The following ISYNA1 variants were observed in gnomAD, a reference collection of about 807,000 sequenced individuals.
ISYNA1 encodes MI-1-P synthase.
A neutral mutation model predicts 50.3 loss-of-function variants in ISYNA1; 34 were observed. That is an observed-to-expected ratio of 0.68 (90% CI 0.51 to 0.90). ISYNA1 has a LOEUF of 0.90. Ranked by LOEUF, ISYNA1 falls within the 40% of genes least tolerant of loss-of-function variation. The pLI, the probability that ISYNA1 is intolerant of heterozygous loss-of-function variation, is 0.00. For synonymous variants in ISYNA1, 396 were observed against 349.9 expected (o/e 1.13, Z -1.47); for missense variants, 718 against 784.8 (o/e 0.91, Z 1.02).
At chr19:18,438,033 G>T (rs1206139528) in intron 1 of ISYNA1, 45 bp from the exon 2 acceptor site, 3 of 1,510,082 alleles carry the variant, frequency 2.0e-6, no homozygotes, top group African/African-American at 1.4e-5. Flanking sequence ...ACTCTAAGCG[G>T]CCGGGGCCAA....
Position 18,436,815 on chromosome 19 carries a change from C to G in ISYNA1, c.478G>C (p.Gly160Arg). ...AMRRAKVLDW[G>R]LQEQLWPHME... is the part of the protein sequence containing the mutation. Reference sequence around the variant, plus strand: ...TGCGGCCACAGTTGCTCCTGCAGCCCCCAGTCCAGCACCTTCGCGCGCCGC... The same window carrying G: ...TGCGGCCACAGTTGCTCCTGCAGCCGCCAGTCCAGCACCTTCGCGCGCCGC... Residue 160 changes from glycine to arginine, a missense_variant, in exon 5 of 11, where the codon GGG (glycine) becomes CGG (arginine). Transcript: ENST00000338128. 1 of 1,592,136 alleles carries G rather than the reference C, an allele frequency of 6.3e-7. No individual in the cohort carries two copies. Among genetic ancestry groups the G allele is most frequent in the African/African-American group, 1.4e-5 (1 of 73,726 alleles).
At chr19:18,437,134 C>A in intron 3 of ISYNA1, 29 bp from the exon 4 acceptor site, 20 of 1,543,400 alleles carry the variant, frequency 1.3e-5, no homozygotes, top group Non-Finnish European at 1.7e-5. Flanking sequence ...GGCGAGGTGA[C>A]GGGTGGGAGT....
chr19:18,434,938 T>C lies in ISYNA1; in HGVS notation c.1652A>G (p.Glu551Gly). 1 of 1,613,210 alleles carries C rather than the reference T, an allele frequency of 6.2e-7. No individual in the cohort carries two copies. The highest frequency in any genetic ancestry group is 8.5e-7 in the Non-Finnish European group (1 of 1,179,978). The part of the protein sequence containing the change: ...CTGDANGHLQ[E>G]EPPMPTT ...TCAGGTGGTGGGCATTGGGGGCTCCTCTTGCAGATGCCCATTGGCATCACC... is the reference window on the plus strand; with the variant it reads ...TCAGGTGGTGGGCATTGGGGGCTCCCCTTGCAGATGCCCATTGGCATCACC... The change falls in exon 11 of 11, where the codon GAG becomes GGG. Residue 551 changes from glutamate (E) to glycine (G), a missense_variant. By Grantham distance (98) the Glu-to-Gly change is moderately conservative. Transcript: ENST00000338128.
At position 18,436,975 on chromosome 19, in the gene ISYNA1, T is replaced by C; in HGVS notation, c.413A>G (p.Asp138Gly). 3 of 949,618 alleles carry C rather than the reference T, an allele frequency of 3.2e-6. No individual in the cohort carries two copies. Among genetic ancestry groups the C allele is most frequent in the Non-Finnish European group, 4.6e-6 (3 of 648,038 alleles). 58.8% of individuals were successfully genotyped at this position (949,618 alleles called of 1,614,324 possible). A position where few individuals can be genotyped will look rare whatever the true frequency, so the allele number is the denominator to read the frequency against. The stretch of plus-strand genomic sequence containing the variant: ...CCCCGGCCCAGGGCTCCGCCCACCA[T>C]CGAACACGAGGTCGTTGGGCGCCAC... Reference protein sequence around the residue: ...PMVAPNDLVFDGWDISSLNLA... With the variant: ...PMVAPNDLVFGGWDISSLNLA... Residue 138 changes from aspartate to glycine, a missense_variant and splice_region_variant, in exon 4 of 11, where the codon GAT becomes GGT. Around this residue, in one of 3 missense-constraint regions of ISYNA1, gnomAD observed 403 missense variants for 466.6 expected, o/e 0.86. Transcript: ENST00000338128.
chr19:18,437,193 C>G lies in ISYNA1; in HGVS notation c.283-88G>C, dbSNP rs929050874. 9 of 1,470,458 alleles carry G rather than the reference C, an allele frequency of 6.1e-6. No homozygotes were observed. The Admixed American group carries it at 1.2e-4, about 19-fold the overall frequency. 91.1% of individuals were successfully genotyped at this position (1,470,458 alleles called of 1,614,324 possible). A position where few individuals can be genotyped will look rare whatever the true frequency, so the allele number is the denominator to read the frequency against. ...TGGGCCCCACCTAGACTCTCAAGCC[C>G]CGCCCCACTTTCGGGCATTTTTCAG... On this transcript the variant is annotated intron_variant, in intron 3 of 10. Transcript: ENST00000338128.
Position 18,436,432 on chromosome 19 carries a change from C to T in ISYNA1, c.657G>A (p.Gly219=), listed in dbSNP as rs1457518859. The T allele has an allele frequency of 6.2e-7, 1 of 1,610,026 alleles. No individual in the cohort carries two copies. Among genetic ancestry groups the T allele is most frequent in the Non-Finnish European group, 8.5e-7 (1 of 1,179,886 alleles). ...TCCACAGCACTATGACTTTGTCCAGCCCCGCGCTAGACCGGAAGTCTCGGA... is the reference window on the plus strand; with the variant it reads ...TCCACAGCACTATGACTTTGTCCAGTCCCGCGCTAGACCGGAAGTCTCGGA... ...RDIRDFRSSA[G]LDKVIVLWTA... is the part of the protein sequence containing the mutation. Residue 219 remains glycine, a synonymous_variant, in exon 6 of 11, where the codon GGG becomes GGA. Coordinates refer to ENST00000338128, the MANE Select transcript of ISYNA1 (RefSeq NM_016368.5).
Position 18,435,022 on chromosome 19 carries a change from G to A in ISYNA1, c.1568C>T (p.Ala523Val). ...TTTCTTGTTCAACATAGGGTAGGTG[G>A]CAGCCACGGGTCCAACTCGCTTGAG... ...PSLKRVGPVA[A>V]TYPMLNKKGP... is the part of the protein sequence containing the mutation. Residue 523 changes from alanine (A) to valine (V), a missense_variant, in exon 11 of 11, where the codon GCC becomes GTC. Transcript: ENST00000338128. 2.5e-6 allele frequency: 4 copies of A among 1,613,584 alleles called. No homozygotes were observed. Among genetic ancestry groups the A allele is most frequent in the Non-Finnish European group, 3.4e-6 (4 of 1,180,006 alleles).
In ISYNA1 at chr19:18,436,120, C is replaced by G; in HGVS notation, c.887G>C (p.Arg296Pro). The change falls in exon 7 of 11, where the codon CGG becomes CCG. Residue 296 changes from arginine to proline, a missense_variant. By Grantham distance (103) the Arg-to-Pro change is moderately radical. Transcript: ENST00000338128. ...GAAGTCATCTCCGCCCACAAAAACCCGGTGCTGCCACGCGAGCTCAAGAGC... is the reference window on the plus strand; with the variant it reads ...GAAGTCATCTCCGCCCACAAAAACCGGGTGCTGCCACGCGAGCTCAAGAGC... ...PGALELAWQH[R>P]VFVGGDDFKS... is the part of the protein sequence containing the mutation. 6.2e-7 allele frequency: 1 copy of G among 1,612,904 alleles called. No homozygotes were observed. The highest frequency in any genetic ancestry group is 8.5e-7 in the Non-Finnish European group (1 of 1,179,924).
At position 18,434,992 on chromosome 19, in the gene ISYNA1, G is replaced by A. The variant is rs751189492; in HGVS notation, c.1598C>T (p.Pro533Leu). Residue 533 changes from proline to leucine, a missense_variant, in exon 11 of 11, where the codon CCG becomes CTG. By Grantham distance (98) the Pro-to-Leu change is moderately conservative. Coordinates refer to ENST00000338128, the MANE Select transcript of ISYNA1 (RefSeq NM_016368.5). ...ATYPMLNKKG[P>L]VPAATNGCTG... is the part of the protein sequence containing the mutation. ...GCAGCCATTGGTGGCAGCGGGTACCGGTCCTTTCTTGTTCAACATAGGGTA... is the reference window on the plus strand; with the variant it reads ...GCAGCCATTGGTGGCAGCGGGTACCAGTCCTTTCTTGTTCAACATAGGGTA... 5.6e-6 allele frequency: 9 copies of A among 1,613,328 alleles called. No homozygotes were observed. Among genetic ancestry groups the A allele is most frequent in the African/African-American group, 5.3e-5 (4 of 74,886 alleles).
chr19:18,437,290 T>C, intron 3 of ISYNA1, 185 bp from the exon 4 acceptor site: 1 of 1,419,826 alleles, frequency 7.0e-7, no homozygotes, highest in Non-Finnish European at 9.2e-7. Context: ...CACCTTAAGC[T>C]CCGCCCCTGT....
intron 3 of ISYNA1, 178 bp downstream of exon 3, chr19:18,437,420 GC>G: frequency 1.3e-6 from 1 of 788,996 alleles, no homozygotes; most frequent in Non-Finnish European, 1.6e-6. Flanking sequence ...CAGGTCCCTC[GC>G]CCACTACAGG....
At position 18,436,690 on chromosome 19, in the gene ISYNA1, C is replaced by G. The variant is rs147482450; in HGVS notation, c.603G>C (p.Ala201=). The change falls in exon 5 of 11, where the codon GCG becomes GCC. Residue 201 remains alanine (A), a synonymous_variant. Transcript: ENST00000338128. ...ATGCGGGATGGGACAGCACCTGCTG[C>G]GCACGCGAGCCTGGGATGAGGTTGT... is the stretch of plus-strand genomic sequence containing the variant. ...RADNLIPGSR[A]QQLEQIRRDI... 6.4e-7 allele frequency: 1 copy of G among 1,567,626 alleles called. No homozygotes were observed. Among genetic ancestry groups the G allele is most frequent in the African/African-American group, 1.4e-5 (1 of 73,642 alleles).
intron 10 of ISYNA1, 36 bp from the exon 11 acceptor site, chr19:18,435,153 C>T: frequency 6.2e-7 from 1 of 1,608,342 alleles, no homozygotes; most frequent in Non-Finnish European, 8.5e-7. Flanking sequence ...AGCCAGACAC[C>T]CACAGGGAGA....
chr19:18,435,984 C>T lies in ISYNA1; in HGVS notation c.975+48G>A, dbSNP rs1365652178. 10 of 1,612,274 alleles carry T rather than the reference C, an allele frequency of 6.2e-6. No homozygotes were observed. In the South Asian group the frequency reaches 8.8e-5, roughly 14 times the overall value. ...TGCGGCCCCACAAGCCAGGTGCTCG[C>T]GGCCCAGGCCCCCTTCCTGCACTCG... On this transcript the variant is annotated intron_variant, in intron 7 of 10. Transcript: ENST00000338128.
At position 18,435,552 on chromosome 19, in the gene ISYNA1, C is replaced by G; in HGVS notation, c.1254+11G>C. 6.2e-7 allele frequency: 1 copy of G among 1,602,568 alleles called. No homozygotes were observed. Among genetic ancestry groups the G allele is most frequent in the Non-Finnish European group, 8.5e-7 (1 of 1,175,156 alleles). On this transcript the variant is annotated intron_variant, in intron 9 of 10. Coordinates refer to ENST00000338128, the MANE Select transcript of ISYNA1 (RefSeq NM_016368.5). ...CTGCCTCCCATAGCAGCCCCTGAAG[C>G]CGCGCCGCACCTCACACGTGTTGTG...
At position 18,434,889 on chromosome 19, in the gene ISYNA1, C is replaced by A. The variant is rs1223030581; in HGVS notation, c.*24G>T. ...CGTGGGGGGCAGCGGGGAGGAAGAG[C>A]CGAGAAACTGTGTGACCGGGGCCTC... On this transcript the variant is annotated 3_prime_UTR_variant, in exon 11 of 11. Transcript: ENST00000338128. 6.2e-7 allele frequency: 1 copy of A among 1,603,058 alleles called. No homozygotes were observed. Among genetic ancestry groups the A allele is most frequent in the Admixed American group, 1.7e-5 (1 of 59,982 alleles).
In ISYNA1 at chr19:18,437,049, G is replaced by A; in HGVS notation, c.339C>T (p.Asp113=). The change falls in exon 4 of 11, where the codon GAC becomes GAT. Residue 113 remains aspartate, a synonymous_variant. Coordinates refer to ENST00000338128, the MANE Select transcript of ISYNA1 (RefSeq NM_016368.5). ...TQAGTVSLGL[D]AEGQEVFVPF... ...GTACGAACACCTCCTGGCCCTCGGCGTCCAGGCCCAGGCTCACGGTGCCCG... is the reference window on the plus strand; with the variant it reads ...GTACGAACACCTCCTGGCCCTCGGCATCCAGGCCCAGGCTCACGGTGCCCG... 2.5e-6 allele frequency: 4 copies of A among 1,603,104 alleles called. No individual in the cohort carries two copies. Among genetic ancestry groups the A allele is most frequent in the Non-Finnish European group, 3.4e-6 (4 of 1,176,766 alleles).
Position 18,434,768 on chromosome 19 carries a change from G to T in ISYNA1, c.*145C>A. The T allele has an allele frequency of 1.5e-6, 1 of 687,368 alleles. No homozygotes were observed. Among genetic ancestry groups the T allele is most frequent in the Non-Finnish European group, 2.5e-6 (1 of 398,812 alleles). The allele number at this position is 687,368 out of a possible 1,614,324, so 42.6% of individuals were successfully genotyped here. A position where few individuals can be genotyped will look rare whatever the true frequency, so the allele number is the denominator to read the frequency against. On this transcript the variant is annotated 3_prime_UTR_variant, in exon 11 of 11. Transcript: ENST00000338128. ...TGGGCGCTCAAGAGTCGGGGAAGTA[G>T]AGGGAGGCAGAGTCAGGTCACAGGC...
intron 3 of ISYNA1, 77 bp downstream of exon 3, chr19:18,437,522 C>T (rs1231048674): frequency 9.8e-7 from 1 of 1,020,282 alleles, no homozygotes; most frequent in Non-Finnish European, 1.3e-6. Context: ...CAGAGCCCCG[C>T]CCCCTGCAGG....
Sources: gnomAD v4.1 joint callset for allele counts on GRCh38, gnomAD v4.1.1 for gene constraint, gnomAD v4.1.1 regional missense constraint, MANE v1.5 for transcripts, NCBI Gene and HGNC (gene_info 2026-07-23, HGNC 2026-07-21) for gene names.